The following MYH7 variants were observed in gnomAD, a reference collection of about 807,000 sequenced individuals.
MYH7 encodes the protein myosin-7.
Under a neutral mutation model 225.4 loss-of-function variants are expected in MYH7, and 129 were observed. The observed-to-expected ratio is 0.57, with a 90% CI of 0.50 to 0.66. MYH7 has a LOEUF of 0.66. Among genes scored for constraint, MYH7 ranks in the 30% least tolerant of loss-of-function variants. The pLI, the probability that MYH7 is intolerant of heterozygous loss-of-function variation, is 0.00. For synonymous variants in MYH7, 971 were observed against 1,007.6 expected (o/e 0.96, Z 0.69); for missense variants, 1,649 against 2,517.0 (o/e 0.66, Z 7.38).
rs1892063347 is a variant in MYH7 at position 23,413,705 on chromosome 14, GTCTGGGTATGCCTGC to G, written c.5790+39_5790+53del. ...AGCATCCCGGGTTTGAGGGTGCTCTGTCTGGGTATGCCTGCTGTGGGGGTGACTAGCAAAGCCCAA... is the reference window on the plus strand; with the variant it reads ...AGCATCCCGGGTTTGAGGGTGCTCTGTGTGGGGGTGACTAGCAAAGCCCAA... On this transcript the variant is annotated intron_variant, in intron 39 of 39. Transcript: ENST00000355349. 3 of 1,611,654 alleles carry G rather than the reference GTCTGGGTATGCCTGC, an allele frequency of 1.9e-6. No homozygotes were observed. In the East Asian group the frequency reaches 6.7e-5, roughly 36 times the overall value.
At chr14:23,419,384 G>C (rs1892369111) in intron 28 of MYH7, 89 bp from the exon 29 acceptor site, 1 of 1,612,246 alleles carries the variant, frequency 6.2e-7, no homozygotes, top group African/African-American at 1.3e-5. Context: ...GAGACTCTGT[G>C]TCTGTGTGTG....
In MYH7 at chr14:23,427,682, GTTC is replaced by G; in HGVS notation, c.1788_1790del (p.Lys596del). Reference sequence around the variant, plus strand: ...CGACAGTCTCATTGAGAGGATCCTTGTTCTTCTGCAGCCAGCCAATGATGTTGT... The same window carrying G: ...CGACAGTCTCATTGAGAGGATCCTTGTTCTGCAGCCAGCCAATGATGTTGT... On this transcript the variant is annotated inframe_deletion, in exon 16 of 40. Coordinates refer to ENST00000355349, the MANE Select transcript of MYH7 (RefSeq NM_000257.4). 1 of 1,614,224 alleles carries G rather than the reference GTTC, an allele frequency of 6.2e-7. No individual in the cohort carries two copies.
In MYH7 at chr14:23,420,096, C is replaced by T. The variant is rs730880776; in HGVS notation, c.3475G>A (p.Val1159Met). The change falls in exon 27 of 40, where the codon GTG becomes ATG. Residue 1159 changes from valine (V) to methionine (M), a missense_variant. Physicochemically the swap from Val to Met is conservative, Grantham distance 21 (BLOSUM62 1). This residue lies in a region of MYH7 where 106 missense variants were observed against 198.8 expected (regional missense o/e 0.53). Coordinates refer to ENST00000355349, the MANE Select transcript of MYH7 (RefSeq NM_000257.4). Reference sequence around the variant, plus strand: ...CGCTTCTTGTTCATCTCGATCTGCACGGACGTGGCCCCGCCGGCCTCTTCC... The same window carrying T: ...CGCTTCTTGTTCATCTCGATCTGCATGGACGTGGCCCCGCCGGCCTCTTCC... ...RLEEAGGATS[V>M]QIEMNKKREA... 2.7e-5 allele frequency: 43 copies of T among 1,602,216 alleles called. No individual in the cohort carries two copies. The highest frequency in any genetic ancestry group is 3.3e-5 in the Non-Finnish European group (39 of 1,175,488).
At chr14:23,426,916 G>T (rs755495568) in intron 17 of MYH7, 52 bp from the exon 18 acceptor site, 39 of 1,470,842 alleles carry the variant, frequency 2.7e-5, no homozygotes, top group Non-Finnish European at 3.7e-5. Context: ...AGAAAGAGAT[G>T]CAGGAAGAAG....
In MYH7 at chr14:23,425,658, G is replaced by A; in HGVS notation, c.2286+37C>T. 1 of 1,613,772 alleles carries A rather than the reference G, an allele frequency of 6.2e-7. No homozygotes were observed. Among genetic ancestry groups the A allele is most frequent in the Non-Finnish European group, 8.5e-7 (1 of 1,179,754 alleles). The stretch of plus-strand genomic sequence containing the variant: ...GCATCAGAGGAGTCAATGGAAAAGA[G>A]ATGTCTTCCTTTAATTAATTAGTCT... On this transcript the variant is annotated intron_variant, in intron 20 of 39. Coordinates refer to ENST00000355349, the MANE Select transcript of MYH7 (RefSeq NM_000257.4). This position sits in a 1 kb window ranked among gnomAD's most constrained non-coding sequence, Gnocchi z 4.6.
At chr14:23,419,104 A>C in intron 29 of MYH7, 73 bp downstream of exon 29, 1 of 1,276,954 alleles carries the variant, frequency 7.8e-7, no homozygotes, top group Non-Finnish European at 1.1e-6. Context: ...ATTGCTGGGA[A>C]GGGAAGTGAT....
Position 23,431,514 on chromosome 14 carries a change from G to A in MYH7, c.733-33C>T, listed in dbSNP as rs45474799. The A allele has an allele frequency of 8.7e-6, 14 of 1,613,878 alleles. No individual in the cohort carries two copies. The East Asian group carries it at 3.1e-4, about 36-fold the overall frequency. ...GATGGAAGAGAGTGGTGATGAGTTG[G>A]GGGAAGGCTCATATCTGAGACCATT... On this transcript the variant is annotated intron_variant, in intron 8 of 39. Coordinates refer to ENST00000355349, the MANE Select transcript of MYH7 (RefSeq NM_000257.4).
rs1171861442 is a variant in MYH7, at chr14:23,430,995, A to G, written c.801T>C (p.Leu267=). The part of the protein sequence containing the change: ...KLASADIETY[L]LEKSRVIFQL... ...GGAAAATAACTCTGGATTTTTCCAG[A>G]AGATCTGTGAACAGGTGGGGAGAAG... Residue 267 remains leucine (L), a synonymous_variant, in exon 10 of 40, where the codon CTT becomes CTC. Transcript: ENST00000355349. The G allele has an allele frequency of 1.2e-6, 2 of 1,609,442 alleles. No individual in the cohort carries two copies. Among genetic ancestry groups the G allele is most frequent in the Non-Finnish European group, 1.7e-6 (2 of 1,175,828 alleles).
Position 23,418,150 on chromosome 14 carries a change from C to T in MYH7, c.4169+60G>A, listed in dbSNP as rs1892304648. 20 of 1,611,720 alleles carry T rather than the reference C, an allele frequency of 1.2e-5. No homozygotes were observed. In the South Asian group the frequency reaches 2.2e-4, roughly 18 times the overall value. ...TGTGTGGGATCTGCTGAGGCTGGGGCTGGGCTGAGTCCTGCCTGCAAAGGG... is the reference window on the plus strand; with the variant it reads ...TGTGTGGGATCTGCTGAGGCTGGGGTTGGGCTGAGTCCTGCCTGCAAAGGG... On this transcript the variant is annotated intron_variant, in intron 30 of 39. Transcript: ENST00000355349.
At chr14:23,418,876 C>G (rs1340638832) in intron 29 of MYH7, among the ~76,000 whole-genome samples, 1 of 152,156 alleles carries the variant, frequency 6.6e-6, no homozygotes, top group Non-Finnish European at 1.5e-5. Context: ...ATCCCAGGAC[C>G]CATTTGTGCA....
At position 23,432,460 on chromosome 14, in the gene MYH7, C is replaced by T. The variant is rs762431016; in HGVS notation, c.530+19G>A. The stretch of plus-strand genomic sequence containing the variant: ...ATCAGGGAGATTCTGAAAGGGAATA[C>T]AGTAGCAGCTACACTCACGTGATCA... On this transcript the variant is annotated intron_variant, in intron 6 of 39. Coordinates refer to ENST00000355349, the MANE Select transcript of MYH7 (RefSeq NM_000257.4). 9 of 1,614,008 alleles carry T rather than the reference C, an allele frequency of 5.6e-6. No individual in the cohort carries two copies. Among genetic ancestry groups the T allele is most frequent in the East Asian group, 2.2e-5 (1 of 44,878 alleles).
In MYH7 at chr14:23,415,495, G is replaced by C. The variant is rs1286161095; in HGVS notation, c.5169C>G (p.Leu1723=). 3 of 1,614,232 alleles carry C rather than the reference G, an allele frequency of 1.9e-6. No individual in the cohort carries two copies. Among genetic ancestry groups the C allele is most frequent in the South Asian group, 1.1e-5 (1 of 91,084 alleles). Residue 1723 remains leucine (L), a synonymous_variant, in exon 36 of 40, where the codon CTC becomes CTG. Coordinates refer to ENST00000355349, the MANE Select transcript of MYH7 (RefSeq NM_000257.4). This position sits in a 1 kb window ranked among gnomAD's most constrained non-coding sequence, Gnocchi z 6.3. ...CATCCATCTTCTTCTTCTGGTTGAT[G>C]AGGCTGGTGTTCTGGGTTGGGGGAG... The part of the protein sequence containing the change: ...VQLLHSQNTS[L]INQKKKMDAD...
At chr14:23,432,093 G>A (rs552769561) in intron 6 of MYH7, among the ~76,000 whole-genome samples, 31 of 152,354 alleles carry the variant, frequency 2.0e-4, no homozygotes, top group African/African-American at 7.5e-4. Flanking sequence ...GGCTGAGCCT[G>A]TGCTTGGCTG....
intron 9 of MYH7, 147 bp downstream of exon 9, chr14:23,431,271 T>C (rs1892924002): frequency 1.2e-6 from 1 of 849,106 alleles, no homozygotes; most frequent in Admixed American, 1.8e-5. Flanking sequence ...GAGACAGATA[T>C]GTAGACCTGA....
Position 23,415,079 on chromosome 14 carries a change from C to T in MYH7, c.5475G>A (p.Glu1825=), listed in dbSNP as rs1353101205. 2 of 1,613,840 alleles carry T rather than the reference C, an allele frequency of 1.2e-6. No individual in the cohort carries two copies. Among genetic ancestry groups the T allele is most frequent in the Non-Finnish European group, 1.7e-6 (2 of 1,180,046 alleles). Reference sequence around the variant, plus strand: ...CGTTGCGCTTCTGCTCGGCCTCCAGCTCATTCTCCAGCTCCCGCACCCGCG... The same window carrying T: ...CGTTGCGCTTCTGCTCGGCCTCCAGTTCATTCTCCAGCTCCCGCACCCGCG... The part of the protein sequence containing the change: ...LEARVRELEN[E]LEAEQKRNAE... The change falls in exon 37 of 40, where the codon GAG becomes GAA. Residue 1825 remains glutamate, a synonymous_variant. Transcript: ENST00000355349. This position sits in a 1 kb window ranked among gnomAD's most constrained non-coding sequence, Gnocchi z 6.3.
chr14:23,416,129 C>T lies in MYH7; in HGVS notation c.4828G>A (p.Glu1610Lys), dbSNP rs730880810. 1.2e-6 allele frequency: 2 copies of T among 1,614,200 alleles called. No individual in the cohort carries two copies. Among genetic ancestry groups the T allele is most frequent in the Non-Finnish European group, 1.7e-6 (2 of 1,180,050 alleles). The change falls in exon 34 of 40, where the codon GAG becomes AAG. Residue 1610 changes from glutamate (E) to lysine (K), a missense_variant. By Grantham distance (56) the Glu-to-Lys change is moderately conservative. Transcript: ENST00000355349. ...ATCTTCTTCTTCACCCTCAGGGCCT[C>T]GTTGCGGCTGCGTGTCTCTGCGTCC... Reference protein sequence around the residue: ...SLDAETRSRNEALRVKKKMEG... With the variant: ...SLDAETRSRNKALRVKKKMEG...
chr14:23,417,364 C>G (rs781107230), intron 31 of MYH7, 46 bp from the exon 32 acceptor site: 13 of 1,612,238 alleles, frequency 8.1e-6, no homozygotes, highest in Admixed American at 1.7e-5. Flanking sequence ...GCCTCAGCCC[C>G]ATGTCCAGGG....
chr14:23,427,429 G>A, intron 16 of MYH7, 122 bp from the exon 17 acceptor site: 2 of 1,461,194 alleles, frequency 1.4e-6, no homozygotes, highest in Non-Finnish European at 1.9e-6. Flanking sequence ...CCTTCAATGT[G>A]GCTGCCTCAG....
In MYH7 at chr14:23,415,047, G is replaced by A. The variant is rs727503242; in HGVS notation, c.5507C>T (p.Ser1836Leu). 175 of 1,612,306 alleles carry A rather than the reference G, an allele frequency of 1.1e-4. No individual in the cohort carries two copies. The highest frequency in any genetic ancestry group is 1.4e-4 in the Non-Finnish European group (167 of 1,180,012). The part of the protein sequence containing the change: ...LEAEQKRNAE[S>L]VKGMRKSERR... ...CTCGCTCTTCCTCATGCCCTTCACC[G>A]ACTCTGCGTTGCGCTTCTGCTCGGC... Residue 1836 changes from serine to leucine, a missense_variant, in exon 37 of 40, where the codon TCG (serine) becomes TTG (leucine). Physicochemically the swap from Ser to Leu is moderately radical, Grantham distance 145. Around this residue, in one of 12 missense-constraint regions of MYH7, gnomAD observed 687 missense variants for 913.8 expected, o/e 0.75. Coordinates refer to ENST00000355349, the MANE Select transcript of MYH7 (RefSeq NM_000257.4). The surrounding 1 kb of genome is among the most constrained non-coding windows in gnomAD (Gnocchi z 6.3).
Sources: gnomAD v4.1 joint callset for allele counts (sites outside exome capture counted in the v4.1 genomes callset) on GRCh38, gnomAD v4.1.1 for gene constraint, gnomAD v4.1.1 regional missense constraint, Gnocchi (gnomAD v3.1) non-coding constraint, MANE v1.5 for transcripts, NCBI Gene and HGNC (gene_info 2026-07-23, HGNC 2026-07-21) for gene names.